The following TRPM3 variants were observed in gnomAD, a reference collection of about 807,000 sequenced individuals.
TRPM3 encodes the protein long transient receptor potential channel 3.
In TRPM3, 77 loss-of-function variants were observed where a neutral mutation model predicts 181.2. That is an observed-to-expected ratio of 0.42 (90% CI 0.35 to 0.51). TRPM3 has a LOEUF of 0.51. Among genes scored for constraint, TRPM3 ranks in the 20% least tolerant of loss-of-function variants. TRPM3 has a pLI of 0.01. For synonymous variants in TRPM3, 745 were observed against 796.4 expected (o/e 0.94, Z 1.09); for missense variants, 1,759 against 2,196.7 (o/e 0.80, Z 3.98).
At chr9:70,784,697 G>A (rs1405111218) in intron 6 of TRPM3, among the ~76,000 whole-genome samples, 1 of 152,132 alleles carries the variant, frequency 6.6e-6, no homozygotes, top group Non-Finnish European at 1.5e-5. Flanking sequence ...AAAGTAGGAA[G>A]TTAAAAAATG....
intron 1 of TRPM3, among the ~76,000 whole-genome samples, chr9:71,140,263 AAAG>A (rs1450609325): frequency 3.3e-5 from 5 of 152,194 alleles, no homozygotes; most frequent in Admixed American, 6.6e-5. Flanking sequence ...GCAAATTCTG[AAAG>A]AAGAGACTGA....
chr9:71,135,733 CT>C (rs2074723199), intron 1 of TRPM3, among the ~76,000 whole-genome samples: 1 of 152,096 alleles, frequency 6.6e-6, no homozygotes, highest in Admixed American at 6.5e-5. Flanking sequence ...CAAGTTTATG[CT>C]GTGGAACATC....
chr9:70,889,159 A>C (rs1341129770), intron 1 of TRPM3, among the ~76,000 whole-genome samples: 1 of 152,190 alleles, frequency 6.6e-6, no homozygotes, highest in African/African-American at 2.4e-5. Flanking sequence ...AGGTATTTTT[A>C]AAGGCTAGGA....
At chr9:71,318,622 CA>C (rs1265249371) in intron 1 of TRPM3, among the ~76,000 whole-genome samples, 2 of 152,074 alleles carry the variant, frequency 1.3e-5, no homozygotes, top group Non-Finnish European at 2.9e-5. Context: ...ATGGTAGGTG[CA>C]AAAGTAACTC....
intron 1 of TRPM3, among the ~76,000 whole-genome samples, chr9:71,033,158 G>A (rs2057744887): frequency 6.6e-6 from 1 of 152,228 alleles, no homozygotes; most frequent in Admixed American, 6.5e-5. Context: ...GTTGGGGCTT[G>A]TAGCCCTTAA....
intron 1 of TRPM3, among the ~76,000 whole-genome samples, chr9:71,224,165 C>T (rs2080429270): frequency 6.6e-6 from 1 of 152,188 alleles, no homozygotes; most frequent in Non-Finnish European, 1.5e-5. Context: ...TGTGTCACCC[C>T]TCCTCCAGCT....
intron 1 of TRPM3, among the ~76,000 whole-genome samples, chr9:70,927,979 T>A (rs560251508): frequency 6.6e-6 from 1 of 152,326 alleles, no homozygotes; most frequent in African/African-American, 2.4e-5. Flanking sequence ...ACAATAAATA[T>A]ACTGCTTGGA....
intron 1 of TRPM3, among the ~76,000 whole-genome samples, chr9:71,334,242 C>T (rs1352848168): frequency 3.3e-5 from 5 of 151,628 alleles, no homozygotes; most frequent in African/African-American, 4.8e-5. Flanking sequence ...ACTCAAAGCT[C>T]TAATATTAAA....
chr9:71,044,828 C>G (rs1324834537), intron 1 of TRPM3, among the ~76,000 whole-genome samples: 1 of 151,524 alleles, frequency 6.6e-6, no homozygotes, highest in Non-Finnish European at 1.5e-5. Flanking sequence ...CCAGCCACCA[C>G]GCCCGGCTAA....
intron 1 of TRPM3, among the ~76,000 whole-genome samples, chr9:71,048,052 G>C (rs2059662185): frequency 6.6e-6 from 1 of 152,102 alleles, no homozygotes. Flanking sequence ...TTCAACTTTA[G>C]ATATATACTC....
In TRPM3 at chr9:70,630,374, A is replaced by G. The variant is rs138359941; in HGVS notation, c.1632+4837T>C. ...GCCAAAGACCCTGTTCAGAGCTTCC[A>G]AGGTTGATGTAGCTTCCAGTGATCC... is the stretch of plus-strand genomic sequence containing the variant. On this transcript the variant is annotated intron_variant, in intron 12 of 25. Coordinates refer to ENST00000677713, the MANE Select transcript of TRPM3 (RefSeq NM_001366145.2). 3.2e-4 allele frequency among the ~76,000 whole-genome samples: 49 copies of G among 152,322 alleles called. No individual in the cohort carries two copies. The East Asian group carries it at 7.2e-3, about 22-fold the overall frequency.
At chr9:70,991,756 A>G (rs949810955) in intron 1 of TRPM3, among the ~76,000 whole-genome samples, 3 of 152,128 alleles carry the variant, frequency 2.0e-5, no homozygotes, top group Non-Finnish European at 4.4e-5. Context: ...TTTGTGGCTC[A>G]TAGAAGGCCT....
chr9:71,421,033 A>T (rs1233290292), intron 1 of TRPM3, among the ~76,000 whole-genome samples: 1 of 119,916 alleles, frequency 8.3e-6, no homozygotes, highest in South Asian at 2.7e-4. Flanking sequence ...GAGAAAAAGA[A>T]AAAGAGAACG....
At chr9:70,795,031 A>G (rs1240384160) in intron 6 of TRPM3, among the ~76,000 whole-genome samples, 1 of 152,214 alleles carries the variant, frequency 6.6e-6, no homozygotes, top group Non-Finnish European at 1.5e-5. Flanking sequence ...ACGACTATTG[A>G]TGTAGCATTT....
At chr9:71,007,010 G>A (rs1056911385) in intron 1 of TRPM3, among the ~76,000 whole-genome samples, 3 of 109,414 alleles carry the variant, frequency 2.7e-5, no homozygotes, top group South Asian at 3.2e-4. Flanking sequence ...TTGCACTCCA[G>A]CCTAGGCAAC....
At chr9:70,549,521 G>A in intron 25 of TRPM3, 21 bp downstream of exon 25, 2 of 1,602,656 alleles carry the variant, frequency 1.2e-6, no homozygotes, top group South Asian at 2.3e-5. Flanking sequence ...TCTGCAGGAG[G>A]CAGGTGTCCA....
At chr9:71,356,777 A>C (rs992931697) in intron 1 of TRPM3, among the ~76,000 whole-genome samples, 2 of 152,064 alleles carry the variant, frequency 1.3e-5, no homozygotes. Context: ...TCCAGTTCTG[A>C]ATCTTACTCC....
intron 5 of TRPM3, among the ~76,000 whole-genome samples, chr9:70,829,181 C>T (rs1239220659): frequency 1.3e-5 from 2 of 152,042 alleles, no homozygotes; most frequent in African/African-American, 2.4e-5. Flanking sequence ...AATTGAGATG[C>T]TCTTGTTCTT....
intron 1 of TRPM3, among the ~76,000 whole-genome samples, chr9:71,341,497 G>A (rs923186095): frequency 6.6e-6 from 1 of 151,972 alleles, no homozygotes; most frequent in Non-Finnish European, 1.5e-5. Flanking sequence ...AACTACAGAC[G>A]AACTCAAGTT....
Sources: allele counts gnomAD v4.1 joint callset (sites outside exome capture counted in the v4.1 genomes callset), GRCh38; gene constraint gnomAD v4.1.1; transcripts MANE v1.5; gene names NCBI Gene and HGNC (gene_info 2026-07-23, HGNC 2026-07-21).